FAAP100: variants seen among roughly 807,000 people sequenced by gnomAD.
FAAP100 encodes the protein FA core complex associated protein 100, also known as Fanconi anemia core complex-associated protein 100.
Under a neutral mutation model 65.8 loss-of-function variants are expected in FAAP100, and 46 were observed. The observed-to-expected ratio is 0.70, with a 90% CI of 0.55 to 0.89. The LOEUF (loss-of-function observed/expected upper bound fraction) is 0.89. Ranked by LOEUF, FAAP100 falls within the 40% of genes least tolerant of loss-of-function variation. The pLI, the probability that FAAP100 is intolerant of heterozygous loss-of-function variation, is 0.00. For missense variants in FAAP100, 1,165 were observed against 1,196.7 expected, an observed-to-expected ratio of 0.97 and a Z score of 0.39; for synonymous variants, 663 against 555.1, an observed-to-expected ratio of 1.19 and a Z score of -2.73.
chr17:81,552,406 C>T (rs2033531695), upstream of FAAP100: 2 of 1,237,044 alleles, frequency 1.6e-6, no homozygotes, highest in Admixed American at 4.3e-5. Context: ...TTTACGGCAG[C>T]CCGCTGTGCG....
At chr17:81,551,480 A>C (rs2033493522) in intron 2 of FAAP100, among the ~76,000 whole-genome samples, 1 of 152,214 alleles carries the variant, frequency 6.6e-6, no homozygotes, top group African/African-American at 2.4e-5. Flanking sequence ...TGCCCCCTCT[A>C]CAGCCTGGGC....
Position 81,539,931 on chromosome 17 carries a change from C to T in FAAP100, c.*888G>A, listed in dbSNP as rs2033014485. The T allele has an allele frequency of 2.5e-6, 1 of 398,668 alleles. No homozygotes were observed. Among genetic ancestry groups the T allele is most frequent in the African/African-American group, 2.1e-5 (1 of 48,648 alleles). 24.7% of individuals were successfully genotyped at this position (398,668 alleles called of 1,614,324 possible). On this transcript the variant is annotated 3_prime_UTR_variant, in exon 9 of 9. Transcript: ENST00000327787. ...GGTCGTTTGTCACAGCAGAGAAGCA[C>T]CTCACGGCTCCTACCCGCACTCATC...
rs749846794 is a variant in FAAP100 at position 81,552,339 on chromosome 17, C to T, written c.-9G>A. 3 of 1,368,222 alleles carry T rather than the reference C, an allele frequency of 2.2e-6. No individual in the cohort carries two copies. Among genetic ancestry groups the T allele is most frequent in the South Asian group, 1.7e-5 (1 of 57,436 alleles). 84.8% of individuals were successfully genotyped at this position (1,368,222 alleles called of 1,614,324 possible). A position where few individuals can be genotyped will look rare whatever the true frequency, so the allele number is the denominator to read the frequency against. Reference sequence around the variant, plus strand: ...GGCGCGGCGCCGGCCATCGTGCGCGCGGGCCCGTCAGAGTGAGAAGCCCCG... The same window carrying T: ...GGCGCGGCGCCGGCCATCGTGCGCGTGGGCCCGTCAGAGTGAGAAGCCCCG... On this transcript the variant is annotated 5_prime_UTR_variant, in exon 1 of 9. Transcript: ENST00000327787.
At chr17:81,551,703 G>A (rs1161342597) in intron 2 of FAAP100, 1 of 1,327,556 alleles carries the variant, frequency 7.5e-7, no homozygotes. Context: ...GCGCCCCGCC[G>A]TGGGCTTAAC....
In FAAP100 at chr17:81,547,270, G is replaced by C. The variant is rs1293991369; in HGVS notation, c.1812C>G (p.Tyr604Ter). The change falls in exon 5 of 9, where the codon TAC (tyrosine) becomes TAG (stop). Residue 604 changes from tyrosine to a stop codon, truncating the protein, a stop_gained. Coordinates refer to ENST00000327787, the MANE Select transcript of FAAP100 (RefSeq NM_025161.6). LOFTEE classifies it high-confidence loss of function. ...LPVTVSCTLF[Y>*]SLREVVGGAL... ...CCCCGCCCACCACCTCCCTGAGACT[G>C]TAGAACAGCGTGCAGGACACGGTCA... 3 of 1,608,718 alleles carry C rather than the reference G, an allele frequency of 1.9e-6. No individual in the cohort carries two copies. The highest frequency in any genetic ancestry group is 1.7e-6 in the Non-Finnish European group (2 of 1,177,182).
intron 6 of FAAP100, 21 bp downstream of exon 6, chr17:81,545,725 T>C (rs769480166): frequency 6.2e-7 from 1 of 1,600,034 alleles, no homozygotes; most frequent in Admixed American, 1.7e-5. Flanking sequence ...CCGTGGCTCG[T>C]TTCCCTGAAC....
chr17:81,550,380 A>G lies in FAAP100; in HGVS notation c.1114T>C (p.Ser372Pro). Reference protein sequence around the residue: ...TPSDLCVVDLSRGSTPLGPEQ... With the variant: ...TPSDLCVVDLPRGSTPLGPEQ... ...GGGCCCAGCGGGGTGCTTCCCCGAGACAGATCCACCACACAGAGGTCAGAA... is the reference window on the plus strand; with the variant it reads ...GGGCCCAGCGGGGTGCTTCCCCGAGGCAGATCCACCACACAGAGGTCAGAA... The change falls in exon 3 of 9, where the codon TCT becomes CCT. Residue 372 changes from serine (S) to proline (P), a missense_variant. Ser to Pro is a moderately conservative substitution (Grantham distance 74). Transcript: ENST00000327787. The G allele has an allele frequency of 6.2e-7, 1 of 1,612,668 alleles. No individual in the cohort carries two copies.
intron 4 of FAAP100, 86 bp downstream of exon 4, chr17:81,549,119 CT>C (rs1208050423): frequency 6.8e-7 from 1 of 1,462,200 alleles, no homozygotes; most frequent in East Asian, 2.5e-5. Flanking sequence ...CCCGAGGACA[CT>C]CACACCCAGG....
rs958270708 is a variant in FAAP100, at chr17:81,549,136, C to A, written c.1403+70G>T. ...CGAGGACACTCACACCCAGGACGAC[C>A]CCACACAGGGACGCTACCTCCCAAG... On this transcript the variant is annotated intron_variant, in intron 4 of 8. Coordinates refer to ENST00000327787, the MANE Select transcript of FAAP100 (RefSeq NM_025161.6). 5.1e-6 allele frequency: 8 copies of A among 1,578,696 alleles called. No homozygotes were observed. The African/African-American group carries it at 6.8e-5, about 13-fold the overall frequency.
rs368906846 is a variant in FAAP100 at position 81,547,192 on chromosome 17, G to A, written c.1890C>T (p.Asp630=). The change falls in exon 5 of 9, where the codon GAC becomes GAT. Residue 630 remains aspartate (D), a synonymous_variant. Coordinates refer to ENST00000327787, the MANE Select transcript of FAAP100 (RefSeq NM_025161.6). Reference sequence around the variant, plus strand: ...AAACACCCTCTTGCTCGGGCAGGACGTCGGAGGGGCACTCATCCAGAAAGG... The same window carrying A: ...AAACACCCTCTTGCTCGGGCAGGACATCGGAGGGGCACTCATCCAGAAAGG... ...EDPFLDECPS[D]VLPEQEGVCL... 3.4e-5 allele frequency: 53 copies of A among 1,557,710 alleles called. No individual in the cohort carries two copies. The highest frequency in any genetic ancestry group is 3.9e-5 in the Non-Finnish European group (45 of 1,149,320).
chr17:81,546,240 C>T (rs559309537), intron 5 of FAAP100, among the ~76,000 whole-genome samples: 1 of 152,358 alleles, frequency 6.6e-6, no homozygotes, highest in South Asian at 2.1e-4. Context: ...CTGCGGCTGC[C>T]CTCTCTGCAC....
At chr17:81,544,157 C>T in intron 6 of FAAP100, 37 bp from the exon 7 acceptor site, 2 of 1,525,796 alleles carry the variant, frequency 1.3e-6, no homozygotes. Flanking sequence ...CTGCCTGTGG[C>T]ACTCCCACCT....
chr17:81,545,362 T>C (rs2033261429), intron 6 of FAAP100, among the ~76,000 whole-genome samples: 1 of 152,188 alleles, frequency 6.6e-6, no homozygotes, highest in South Asian at 2.1e-4. Flanking sequence ...AGCAGTGCCA[T>C]TTGCCATTCA....
chr17:81,540,554 G>A lies in FAAP100; in HGVS notation c.*265C>T, dbSNP rs1045028384. ...AGGCGAGTGCAGGGGCTGCGGCCGC[G>A]GTCAGAGAAGGAGAGACACCAGCAG... On this transcript the variant is annotated 3_prime_UTR_variant, in exon 9 of 9. Coordinates refer to ENST00000327787, the MANE Select transcript of FAAP100 (RefSeq NM_025161.6). 11 of 436,054 alleles carry A rather than the reference G, an allele frequency of 2.5e-5. No individual in the cohort carries two copies. The highest frequency in any genetic ancestry group is 2.2e-4 in the South Asian group (3 of 13,790). The allele number at this position is 436,054 out of a possible 1,614,324, so 27.0% of individuals were successfully genotyped here.
intron 7 of FAAP100, among the ~76,000 whole-genome samples, chr17:81,541,885 G>A (rs1177782601): frequency 1.3e-5 from 2 of 152,162 alleles, no homozygotes; most frequent in Non-Finnish European, 2.9e-5. Context: ...ATTCCCAGAT[G>A]GGACCAGGTG....
rs767077080 is a variant in FAAP100, at chr17:81,551,984, C to A, written c.234G>T (p.Ala78=). ...AGTAGAGGCCCCTCCGGGCGCACAGCGCGTACAGCAACCTGCGCGGCGCCA... is the reference window on the plus strand; with the variant it reads ...AGTAGAGGCCCCTCCGGGCGCACAGAGCGTACAGCAACCTGCGCGGCGCCA... ...ELLAPRRLLY[A]LCARRGLYCL... The change falls in exon 2 of 9, where the codon GCG becomes GCT. Residue 78 remains alanine, a synonymous_variant. Coordinates refer to ENST00000327787, the MANE Select transcript of FAAP100 (RefSeq NM_025161.6). 1.5e-5 allele frequency: 23 copies of A among 1,566,904 alleles called. No individual in the cohort carries two copies. In the East Asian group the frequency reaches 5.6e-4, roughly 38 times the overall value.
chr17:81,540,639 C>T lies in FAAP100; in HGVS notation c.*180G>A, dbSNP rs1335220788. 1 of 823,244 alleles carries T rather than the reference C, an allele frequency of 1.2e-6. No individual in the cohort carries two copies. The highest frequency in any genetic ancestry group is 1.7e-6 in the Non-Finnish European group (1 of 582,784). 51.0% of individuals were successfully genotyped at this position (823,244 alleles called of 1,614,324 possible). A position where few individuals can be genotyped will look rare whatever the true frequency, so the allele number is the denominator to read the frequency against. ...CGCCTCGGTTGCTCCCAATCAGAAT[C>T]TGCTTTGTGCTCCACGGCCTCCAAG... On this transcript the variant is annotated 3_prime_UTR_variant, in exon 9 of 9. Transcript: ENST00000327787.
Position 81,547,698 on chromosome 17 carries a change from C to G in FAAP100, c.1404-20G>C. ...GACACTCTGCGAAGGACAGACATGACCCCCGGGAGCGGGGGGACACCCACA... is the reference window on the plus strand; with the variant it reads ...GACACTCTGCGAAGGACAGACATGAGCCCCGGGAGCGGGGGGACACCCACA... On this transcript the variant is annotated intron_variant, in intron 4 of 8. Coordinates refer to ENST00000327787, the MANE Select transcript of FAAP100 (RefSeq NM_025161.6). The G allele has an allele frequency of 6.2e-7, 1 of 1,604,806 alleles. No individual in the cohort carries two copies. Among genetic ancestry groups the G allele is most frequent in the East Asian group, 2.2e-5 (1 of 44,752 alleles).
chr17:81,541,332 G>A lies in FAAP100; in HGVS notation c.2491C>T (p.Arg831Cys), dbSNP rs772327939. 10 of 1,611,862 alleles carry A rather than the reference G, an allele frequency of 6.2e-6. No individual in the cohort carries two copies. Among genetic ancestry groups the A allele is most frequent in the South Asian group, 3.3e-5 (3 of 90,784 alleles). The change falls in exon 8 of 9, where the codon CGC becomes TGC. Residue 831 changes from arginine to cysteine, a missense_variant. Transcript: ENST00000327787. The part of the protein sequence containing the change: ...SAPDLRVQYL[R>C]QIHANHETLL... ...ACCTCGTGGTTGGCGTGGATCTGGC[G>A]GAGGTACTGCACACGGAGATCAGGA...
Sources: allele counts gnomAD v4.1 joint callset (sites outside exome capture counted in the v4.1 genomes callset), GRCh38; gene constraint gnomAD v4.1.1; transcripts MANE v1.5; gene names NCBI Gene and HGNC (gene_info 2026-07-23, HGNC 2026-07-21).